Variants in FOXL3 observed in about 807,000 individuals in gnomAD.
FOXL3 encodes the protein forkhead box L3.
Under a neutral mutation model 10.9 loss-of-function variants are expected in FOXL3, and 16 were observed. The ratio of observed to expected loss-of-function variants is 1.46; its 90% confidence interval spans 0.99 to 2.22. The LOEUF is 2.22. FOXL3 is among the 30% of genes most tolerant of loss of function. The pLI is 0.00. For missense variants in FOXL3, 400 were observed against 337.9 expected, an observed-to-expected ratio of 1.18 and a Z score of -1.44; for synonymous variants, 170 against 152.0, an observed-to-expected ratio of 1.12 and a Z score of -0.87.
Position 290,722 on chromosome 7 carries a change from C to T in FOXL3, c.177C>T (p.Tyr59=). The T allele has an allele frequency of 6.7e-7, 1 of 1,482,206 alleles. No individual in the cohort carries two copies. Among genetic ancestry groups the T allele is most frequent in the Non-Finnish European group, 8.9e-7 (1 of 1,122,734 alleles). 91.8% of individuals were successfully genotyped at this position (1,482,206 alleles called of 1,614,324 possible). A position where few individuals can be genotyped will look rare whatever the true frequency, so the allele number is the denominator to read the frequency against. ...PAGRVTLSGI[Y]DFIMRKFPYY... ...GGAGGGTGACCCTGTCCGGCATCTA[C>T]GACTTCATCATGCGCAAATTCCCCT... The change falls in exon 2 of 3, where the codon TAC becomes TAT. Residue 59 remains tyrosine, a synonymous_variant. Coordinates refer to ENST00000506382, the MANE Select transcript of FOXL3 (RefSeq NM_001374838.1).
Position 291,382 on chromosome 7 carries a change from T to C in FOXL3, c.596T>C (p.Ile199Thr). ...PRDLKFSIDYILSSPDPFPGL... is the reference protein window; with the variant it reads ...PRDLKFSIDYTLSSPDPFPGL... Reference sequence around the variant, plus strand: ...GACCTCAAGTTCAGCATCGACTACATCCTGTCCTCCCCAGACCCCTTCCCT... The same window carrying C: ...GACCTCAAGTTCAGCATCGACTACACCCTGTCCTCCCCAGACCCCTTCCCT... Residue 199 changes from isoleucine (I) to threonine (T), a missense_variant, in exon 3 of 3, where the codon ATC becomes ACC. Coordinates refer to ENST00000506382, the MANE Select transcript of FOXL3 (RefSeq NM_001374838.1). The C allele has an allele frequency of 1.5e-5, 20 of 1,317,274 alleles. No homozygotes were observed. Among genetic ancestry groups the C allele is most frequent in the Non-Finnish European group, 1.9e-5 (20 of 1,032,814 alleles). The allele number at this position is 1,317,274 out of a possible 1,614,324, so 81.6% of individuals were successfully genotyped here. A position where few individuals can be genotyped will look rare whatever the true frequency, so the allele number is the denominator to read the frequency against.
chr7:290,999 G>A (rs1448880710), intron 2 of FOXL3, 64 bp from the exon 3 acceptor site: 2 of 1,320,622 alleles, frequency 1.5e-6, no homozygotes, highest in Non-Finnish European at 1.9e-6. Context: ...CGCCCCGAGG[G>A]GACAAGGCGG....
intron 1 of FOXL3, 73 bp downstream of exon 1, chr7:290,349 C>T (rs1562414771): frequency 1.7e-6 from 2 of 1,190,414 alleles, no homozygotes; most frequent in Non-Finnish European, 2.4e-6. Context: ...TAGCCGGGAC[C>T]TGCCTGGGAC....
chr7:291,416 G>A lies in FOXL3; in HGVS notation c.630G>A (p.Lys210=), dbSNP rs1778646849. ...CCCCAGACCCCTTCCCTGGGCTCAA[G>A]CCGCCCTGCCTCGCACAAGAGGGCA... is the stretch of plus-strand genomic sequence containing the variant. ...LSSPDPFPGL[K]PPCLAQEGRY... Residue 210 remains lysine (K), a synonymous_variant, in exon 3 of 3, where the codon AAG becomes AAA. Transcript: ENST00000506382. 2 of 1,265,692 alleles carry A rather than the reference G, an allele frequency of 1.6e-6. No homozygotes were observed. The allele number at this position is 1,265,692 out of a possible 1,614,324, so 78.4% of individuals were successfully genotyped here.
Position 291,359 on chromosome 7 carries a change from C to T in FOXL3, c.573C>T (p.Asp191=). The change falls in exon 3 of 3, where the codon GAC becomes GAT. Residue 191 remains aspartate, a synonymous_variant. Transcript: ENST00000506382. The stretch of plus-strand genomic sequence containing the variant: ...CCCCGGGGAAGGAGCACCCCCGGGA[C>T]CTCAAGTTCAGCATCGACTACATCC... ...PAPPGKEHPR[D]LKFSIDYILS... is the part of the protein sequence containing the mutation. 2 of 1,315,064 alleles carry T rather than the reference C, an allele frequency of 1.5e-6. No individual in the cohort carries two copies. The highest frequency in any genetic ancestry group is 1.9e-6 in the Non-Finnish European group (2 of 1,031,356). 81.5% of individuals were successfully genotyped at this position (1,315,064 alleles called of 1,614,324 possible). A position where few individuals can be genotyped will look rare whatever the true frequency, so the allele number is the denominator to read the frequency against.
In FOXL3 at chr7:290,735, C is replaced by A. The variant is rs1319579896; in HGVS notation, c.190C>A (p.Arg64Ser). 3.4e-6 allele frequency: 5 copies of A among 1,492,066 alleles called. No individual in the cohort carries two copies. The highest frequency in any genetic ancestry group is 1.4e-5 in the African/African-American group (1 of 70,452). The allele number at this position is 1,492,066 out of a possible 1,614,324, so 92.4% of individuals were successfully genotyped here. A position where few individuals can be genotyped will look rare whatever the true frequency, so the allele number is the denominator to read the frequency against. ...GTCCGGCATCTACGACTTCATCATGCGCAAATTCCCCTATTACCGCGCCAA... is the reference window on the plus strand; with the variant it reads ...GTCCGGCATCTACGACTTCATCATGAGCAAATTCCCCTATTACCGCGCCAA... ...TLSGIYDFIM[R>S]KFPYYRANQR... Residue 64 changes from arginine (R) to serine (S), a missense_variant, in exon 2 of 3, where the codon CGC becomes AGC. Coordinates refer to ENST00000506382, the MANE Select transcript of FOXL3 (RefSeq NM_001374838.1).
intron 2 of FOXL3, 85 bp downstream of exon 2, chr7:290,906 C>A: frequency 7.6e-7 from 1 of 1,307,792 alleles, no homozygotes; most frequent in Non-Finnish European, 9.7e-7. Context: ...GGGAGGGCAC[C>A]GCGGCGGCTT....
Position 290,635 on chromosome 7 carries a change from G to T in FOXL3, c.108-18G>T. ...GGGCTGCCCGGTGGAGACCCCGCCT[G>T]ACCCCCGGGCTCCGCAGCTACATCG... On this transcript the variant is annotated intron_variant, in intron 1 of 2. Transcript: ENST00000506382. 7.1e-7 allele frequency: 1 copy of T among 1,409,472 alleles called. No individual in the cohort carries two copies. The highest frequency in any genetic ancestry group is 1.7e-5 in the South Asian group (1 of 60,008). 87.3% of individuals were successfully genotyped at this position (1,409,472 alleles called of 1,614,324 possible).
Position 291,066 on chromosome 7 carries a change from C to T in FOXL3, c.280C>T (p.Pro94Ser). The T allele has an allele frequency of 1.4e-6, 2 of 1,404,302 alleles. No homozygotes were observed. Among genetic ancestry groups the T allele is most frequent in the Non-Finnish European group, 1.9e-6 (2 of 1,080,966 alleles). 87.0% of individuals were successfully genotyped at this position (1,404,302 alleles called of 1,614,324 possible). ...GCCCCTCCCTCCGCGCGCGCAGGTGCCGCGGTCCGAGGGCCACGAGAAGGG... is the reference window on the plus strand; with the variant it reads ...GCCCCTCCCTCCGCGCGCGCAGGTGTCGCGGTCCGAGGGCCACGAGAAGGG... ...LSLNSCFVKV[P>S]RSEGHEKGKG... The change falls in exon 3 of 3, where the codon CCG becomes TCG. Residue 94 changes from proline to serine, a missense_variant. By Grantham distance (74) the Pro-to-Ser change is moderately conservative (BLOSUM62 -1). Transcript: ENST00000506382.
chr7:291,067 C>T lies in FOXL3; in HGVS notation c.281C>T (p.Pro94Leu). 7.1e-7 allele frequency: 1 copy of T among 1,404,692 alleles called. No homozygotes were observed. The highest frequency in any genetic ancestry group is 1.4e-5 in the South Asian group (1 of 69,624). 87.0% of individuals were successfully genotyped at this position (1,404,692 alleles called of 1,614,324 possible). A position where few individuals can be genotyped will look rare whatever the true frequency, so the allele number is the denominator to read the frequency against. ...LSLNSCFVKV[P>L]RSEGHEKGKG... ...CCCCTCCCTCCGCGCGCGCAGGTGCCGCGGTCCGAGGGCCACGAGAAGGGC... is the reference window on the plus strand; with the variant it reads ...CCCCTCCCTCCGCGCGCGCAGGTGCTGCGGTCCGAGGGCCACGAGAAGGGC... Residue 94 changes from proline (P) to leucine (L), a missense_variant, in exon 3 of 3, where the codon CCG becomes CTG. Pro to Leu is a moderately conservative substitution (Grantham distance 98). Coordinates refer to ENST00000506382, the MANE Select transcript of FOXL3 (RefSeq NM_001374838.1).
Position 290,710 on chromosome 7 carries a change from G to C in FOXL3, c.165G>C (p.Leu55=). 1.4e-6 allele frequency: 2 copies of C among 1,476,834 alleles called. No homozygotes were observed. Among genetic ancestry groups the C allele is most frequent in the Non-Finnish European group, 1.8e-6 (2 of 1,120,926 alleles). The allele number at this position is 1,476,834 out of a possible 1,614,324, so 91.5% of individuals were successfully genotyped here. Reference sequence around the variant, plus strand: ...AGAGCCCCGCGGGGAGGGTGACCCTGTCCGGCATCTACGACTTCATCATGC... The same window carrying C: ...AGAGCCCCGCGGGGAGGGTGACCCTCTCCGGCATCTACGACTTCATCATGC... ...IQQSPAGRVT[L]SGIYDFIMRK... The change falls in exon 2 of 3, where the codon CTG becomes CTC. Residue 55 remains leucine (L), a synonymous_variant. Transcript: ENST00000506382.
intron 2 of FOXL3, 104 bp from the exon 3 acceptor site, chr7:290,959 G>C (rs1424754899): frequency 5.2e-5 from 66 of 1,275,812 alleles, no homozygotes; most frequent in Non-Finnish European, 6.5e-5. Context: ...CTCCACCTGC[G>C]CAGTGCGCCA....
intron 1 of FOXL3, 24 bp from the exon 2 acceptor site, chr7:290,629 C>G (rs902286223): frequency 7.1e-7 from 1 of 1,409,746 alleles, no homozygotes; most frequent in East Asian, 2.6e-5. Flanking sequence ...GGTGGAGACC[C>G]CGCCTGACCC....
At position 291,161 on chromosome 7, in the gene FOXL3, C is replaced by A; in HGVS notation, c.375C>A (p.Tyr125Ter). 2 of 1,297,662 alleles carry A rather than the reference C, an allele frequency of 1.5e-6. No individual in the cohort carries two copies. The highest frequency in any genetic ancestry group is 2.0e-6 in the Non-Finnish European group (2 of 1,021,288). 80.4% of individuals were successfully genotyped at this position (1,297,662 alleles called of 1,614,324 possible). A position where few individuals can be genotyped will look rare whatever the true frequency, so the allele number is the denominator to read the frequency against. The change falls in exon 3 of 3, where the codon TAC (tyrosine) becomes TAA (stop). Residue 125 changes from tyrosine to a stop codon, truncating the protein, a stop_gained. Transcript: ENST00000506382. LOFTEE classifies it low-confidence loss of function (END_TRUNC). ...SLLDLFENGNYRRRRRRRGPK... is the reference protein window; with the variant it reads ...SLLDLFENGN ...TGGACCTCTTCGAGAACGGCAACTA[C>A]CGGCGGCGGCGGCGGCGGCGCGGCC...
chr7:290,594 T>TG (rs988359852), intron 1 of FOXL3, 59 bp from the exon 2 acceptor site: 193 of 1,387,236 alleles, frequency 1.4e-4, no homozygotes, highest in Non-Finnish European at 1.3e-4. Context: ...TCCTGCGGGA[T>TG]GGGGGGAAGG....
In FOXL3 at chr7:291,131, G is replaced by A. The variant is rs1265328126; in HGVS notation, c.345G>A (p.Ser115=). Residue 115 remains serine, a synonymous_variant, in exon 3 of 3, where the codon TCG becomes TCA. Coordinates refer to ENST00000506382, the MANE Select transcript of FOXL3 (RefSeq NM_001374838.1). ...NYWTFAGGCE[S]LLDLFENGNY... ...GGACGTTCGCGGGCGGCTGCGAGTCGCTGCTGGACCTCTTCGAGAACGGCA... is the reference window on the plus strand; with the variant it reads ...GGACGTTCGCGGGCGGCTGCGAGTCACTGCTGGACCTCTTCGAGAACGGCA... 2.2e-6 allele frequency: 3 copies of A among 1,393,446 alleles called. No individual in the cohort carries two copies. Among genetic ancestry groups the A allele is most frequent in the Middle Eastern group, 1.8e-4 (1 of 5,420 alleles). 86.3% of individuals were successfully genotyped at this position (1,393,446 alleles called of 1,614,324 possible).
chr7:291,351 C>G lies in FOXL3; in HGVS notation c.565C>G (p.Pro189Ala). The change falls in exon 3 of 3, where the codon CCC (proline) becomes GCC (alanine). Residue 189 changes from proline to alanine, a missense_variant. Transcript: ENST00000506382. ...ASPAPPGKEH[P>A]RDLKFSIDYI... is the part of the protein sequence containing the mutation. ...CCCCGCTCCCCCGGGGAAGGAGCAC[C>G]CCCGGGACCTCAAGTTCAGCATCGA... 6.9e-6 allele frequency: 9 copies of G among 1,309,274 alleles called. No individual in the cohort carries two copies. The highest frequency in any genetic ancestry group is 8.8e-6 in the Non-Finnish European group (9 of 1,028,386). 81.1% of individuals were successfully genotyped at this position (1,309,274 alleles called of 1,614,324 possible). A position where few individuals can be genotyped will look rare whatever the true frequency, so the allele number is the denominator to read the frequency against.
Position 291,387 on chromosome 7 carries a change from TCCTCCCCAGACC to T in FOXL3, c.605_616del (p.Ser202_Pro205del). 1.5e-6 allele frequency: 2 copies of T among 1,313,394 alleles called. No individual in the cohort carries two copies. The highest frequency in any genetic ancestry group is 9.7e-7 in the Non-Finnish European group (1 of 1,030,774). 81.4% of individuals were successfully genotyped at this position (1,313,394 alleles called of 1,614,324 possible). On this transcript the variant is annotated inframe_deletion, in exon 3 of 3. Transcript: ENST00000506382. ...CAAGTTCAGCATCGACTACATCCTG[TCCTCCCCAGACC>T]CCTTCCCTGGGCTCAAGCCGCCCTG...
Position 290,187 on chromosome 7 carries a change from G to A in FOXL3, c.18G>A (p.Gln6=). The change falls in exon 1 of 3, where the codon CAG becomes CAA. Residue 6 remains glutamine, a synonymous_variant. Transcript: ENST00000506382. MFDSS[Q]YPYNCFNYDA... is the part of the protein sequence containing the mutation. ...GCGCCAGGATGTTTGACAGCTCGCAGTATCCCTACAACTGCTTCAATTACG... is the reference window on the plus strand; with the variant it reads ...GCGCCAGGATGTTTGACAGCTCGCAATATCCCTACAACTGCTTCAATTACG... 6.5e-7 allele frequency: 1 copy of A among 1,535,830 alleles called. No homozygotes were observed.
Sources: gnomAD v4.1 joint callset for allele counts on GRCh38, gnomAD v4.1.1 for gene constraint, MANE v1.5 for transcripts, NCBI Gene and HGNC (gene_info 2026-07-23, HGNC 2026-07-21) for gene names.